The following MINDY4 variants were observed in gnomAD, a reference collection of about 807,000 sequenced individuals.
The protein encoded by MINDY4 is MINDY lysine 48 deubiquitinase 4, also known as probable ubiquitin carboxyl-terminal hydrolase MINDY-4.
MINDY4 carries 68 observed loss-of-function variants against 87.0 expected under a neutral mutation model. That is an observed-to-expected ratio of 0.78 (90% CI 0.64 to 0.96). The LOEUF is 0.96. Ranked by LOEUF, MINDY4 falls within the 40% of genes least tolerant of loss-of-function variation. The pLI is 0.00. For missense variants in MINDY4, 919 were observed against 928.2 expected (o/e 0.99, Z 0.13); for synonymous variants, 379 against 363.2 (o/e 1.04, Z -0.50).
intron 5 of MINDY4, among the ~76,000 whole-genome samples, chr7:30,820,536 C>T (rs918521356): frequency 6.6e-6 from 1 of 152,182 alleles, no homozygotes; most frequent in Non-Finnish European, 1.5e-5. Flanking sequence ...TCCCCCAACC[C>T]CCAGTCTCTG....
intron 6 of MINDY4, 143 bp from the exon 7 acceptor site, chr7:30,836,515 C>A: frequency 1.5e-6 from 1 of 689,104 alleles, no homozygotes; most frequent in Non-Finnish European, 2.5e-6. Context: ...CAGAACAGAG[C>A]TGGGGTGAAT....
chr7:30,818,408 C>T (rs573169774), intron 5 of MINDY4, among the ~76,000 whole-genome samples: 49 of 152,272 alleles, frequency 3.2e-4, no homozygotes, highest in African/African-American at 1.1e-3. Flanking sequence ...TCAACTAACA[C>T]GTAGCAATTT....
rs780448928 is a variant in MINDY4 at position 30,853,302 on chromosome 7, G to A, written c.1612-92G>A. The A allele has an allele frequency of 1.6e-5, 17 of 1,058,192 alleles. No individual in the cohort carries two copies. The African/African-American group carries it at 2.2e-4, about 14-fold the overall frequency. The allele number at this position is 1,058,192 out of a possible 1,614,324, so 65.6% of individuals were successfully genotyped here. A position where few individuals can be genotyped will look rare whatever the true frequency, so the allele number is the denominator to read the frequency against. On this transcript the variant is annotated intron_variant, in intron 11 of 17. Coordinates refer to ENST00000265299, the MANE Select transcript of MINDY4 (RefSeq NM_032222.3). ...CAGGGACATTCCCAAGTTGGATTTTGTAGCTACTAAAGCCAGGGAGCAGAA... is the reference window on the plus strand; with the variant it reads ...CAGGGACATTCCCAAGTTGGATTTTATAGCTACTAAAGCCAGGGAGCAGAA...
chr7:30,892,201 G>T lies in MINDY4; in HGVS notation c.*196G>T. 2 of 598,974 alleles carry T rather than the reference G, an allele frequency of 3.3e-6. No individual in the cohort carries two copies. The highest frequency in any genetic ancestry group is 3.0e-6 in the Non-Finnish European group (1 of 338,302). The allele number at this position is 598,974 out of a possible 1,614,324, so 37.1% of individuals were successfully genotyped here. Reference sequence around the variant, plus strand: ...TGTGCTGGGGACCCAGTGTGTTGCTGGGTCCCCTCCCAGCTGAGCTGTGAC... The same window carrying T: ...TGTGCTGGGGACCCAGTGTGTTGCTTGGTCCCCTCCCAGCTGAGCTGTGAC... On this transcript the variant is annotated 3_prime_UTR_variant, in exon 18 of 18. Transcript: ENST00000265299.
At chr7:30,879,825 C>T (rs1196771112) in intron 15 of MINDY4, among the ~76,000 whole-genome samples, 6 of 152,310 alleles carry the variant, frequency 3.9e-5, no homozygotes, top group African/African-American at 7.2e-5. Context: ...CGCATTTCAT[C>T]GCCTTTAAGA....
At chr7:30,831,998 T>C (rs1397779739) in intron 6 of MINDY4, among the ~76,000 whole-genome samples, 1 of 152,190 alleles carries the variant, frequency 6.6e-6, no homozygotes, top group East Asian at 1.9e-4. Flanking sequence ...GAGTGTTTTG[T>C]TTTTCCCTTG....
chr7:30,813,686 G>C (rs948511504), intron 5 of MINDY4, among the ~76,000 whole-genome samples: 1 of 152,214 alleles, frequency 6.6e-6, no homozygotes, highest in African/African-American at 2.4e-5. Flanking sequence ...GCTAATTTTA[G>C]CCCAGGGTGT....
intron 5 of MINDY4, among the ~76,000 whole-genome samples, chr7:30,804,710 A>G (rs1275823108): frequency 2.6e-5 from 4 of 152,204 alleles, no homozygotes; most frequent in Non-Finnish European, 4.4e-5. Flanking sequence ...GCAACTTTAC[A>G]TATTTACAAG....
intron 6 of MINDY4, among the ~76,000 whole-genome samples, chr7:30,834,436 A>G (rs1788799649): frequency 6.6e-6 from 1 of 152,170 alleles, no homozygotes; most frequent in Non-Finnish European, 1.5e-5. Flanking sequence ...TATGCTGTAC[A>G]CAGCACAGGG....
At chr7:30,784,413 C>T (rs1239671605) in intron 3 of MINDY4, among the ~76,000 whole-genome samples, 1 of 152,232 alleles carries the variant, frequency 6.6e-6, no homozygotes, top group Non-Finnish European at 1.5e-5. Flanking sequence ...TCAGTTCACA[C>T]TCCCATCCTC....
At chr7:30,817,860 T>G (rs1788203682) in intron 5 of MINDY4, among the ~76,000 whole-genome samples, 1 of 152,242 alleles carries the variant, frequency 6.6e-6, no homozygotes, top group Non-Finnish European at 1.5e-5. Context: ...TGCAAAATGA[T>G]GTTCTGTTTC....
chr7:30,862,392 C>T (rs1789792294), intron 13 of MINDY4, among the ~76,000 whole-genome samples: 1 of 152,270 alleles, frequency 6.6e-6, no homozygotes, highest in Admixed American at 6.5e-5. Context: ...AAGCCATTCT[C>T]TGGCCTTCCA....
At chr7:30,843,692 T>TA (rs1789111624) in intron 9 of MINDY4, among the ~76,000 whole-genome samples, 1 of 149,370 alleles carries the variant, frequency 6.7e-6, no homozygotes, top group South Asian at 2.1e-4. Flanking sequence ...CAGGTTGGGA[T>TA]CCCAAGGGGG....
intron 5 of MINDY4, among the ~76,000 whole-genome samples, chr7:30,827,416 A>G (rs1011439379): frequency 6.6e-6 from 1 of 152,094 alleles, no homozygotes; most frequent in Non-Finnish European, 1.5e-5. Flanking sequence ...TTCTGATGGA[A>G]GTGCAGTTCT....
intron 17 of MINDY4, among the ~76,000 whole-genome samples, chr7:30,884,903 T>C: frequency 6.6e-6 from 1 of 152,228 alleles, no homozygotes; most frequent in Non-Finnish European, 1.5e-5. Flanking sequence ...CTCTTCCTCT[T>C]CTATTGGCTG....
At chr7:30,850,682 C>A in intron 10 of MINDY4, 127 bp downstream of exon 10, 2 of 823,784 alleles carry the variant, frequency 2.4e-6, no homozygotes, top group Non-Finnish European at 3.9e-6. Context: ...CTGGGATGAG[C>A]CCTGCAAGCC....
chr7:30,774,088 T>C (rs1200167449), intron 1 of MINDY4, among the ~76,000 whole-genome samples: 1 of 152,246 alleles, frequency 6.6e-6, no homozygotes, highest in Non-Finnish European at 1.5e-5. Context: ...CTCACCCTTG[T>C]GGTGCCTTAT....
rs1788383492 is a variant in MINDY4 at position 30,822,834 on chromosome 7, G to T, written c.1074-5845G>T. On this transcript the variant is annotated intron_variant, in intron 5 of 17. Transcript: ENST00000265299. ...AATTTTTTTTTTTTTTGCAGGGATGGGGTATCACTATGTTGCCCAGACTGT... is the reference window on the plus strand; with the variant it reads ...AATTTTTTTTTTTTTTGCAGGGATGTGGTATCACTATGTTGCCCAGACTGT... 2.0e-5 allele frequency among the ~76,000 whole-genome samples: 3 copies of T among 151,528 alleles called. No homozygotes were observed. The South Asian group carries it at 6.3e-4, about 32-fold the overall frequency.
chr7:30,772,588 C>G (rs1786677429), intron 1 of MINDY4, among the ~76,000 whole-genome samples: 1 of 152,196 alleles, frequency 6.6e-6, no homozygotes, highest in African/African-American at 2.4e-5. Context: ...CTTTATACCT[C>G]CTCCCACCCT....
Sources: allele counts gnomAD v4.1 joint callset (sites outside exome capture counted in the v4.1 genomes callset), GRCh38; gene constraint gnomAD v4.1.1; transcripts MANE v1.5; gene names NCBI Gene and HGNC (gene_info 2026-07-23, HGNC 2026-07-21).